ELL: variants seen among roughly 807,000 people sequenced by gnomAD.
ELL encodes elongation factor for RNA polymerase II, also known as RNA polymerase II elongation factor ELL.
A neutral mutation model predicts 64.0 loss-of-function variants in ELL; 18 were observed. The observed-to-expected ratio is 0.28, with a 90% CI of 0.19 to 0.42. The LOEUF is 0.42. Ranked by LOEUF, ELL falls within the 10% of genes least tolerant of loss-of-function variation. The pLI is 1.00. For missense variants in ELL, 797 were observed against 870.4 expected (o/e 0.92, Z 1.06); for synonymous variants, 399 against 376.2 (o/e 1.06, Z -0.70).
chr19:18,485,274 C>T (rs1975385463), intron 1 of ELL, among the ~76,000 whole-genome samples: 1 of 152,206 alleles, frequency 6.6e-6, no homozygotes, highest in Non-Finnish European at 1.5e-5. Context: ...TCTCAACTCC[C>T]CTGCAGACAA....
chr19:18,486,044 A>T (rs1237828970), intron 1 of ELL, among the ~76,000 whole-genome samples: 1 of 151,846 alleles, frequency 6.6e-6, no homozygotes, highest in Non-Finnish European at 1.5e-5. Context: ...ACTCTCCTGG[A>T]TGCATCACGA....
At chr19:18,489,477 T>C (rs1975482572) in intron 1 of ELL, among the ~76,000 whole-genome samples, 1 of 152,158 alleles carries the variant, frequency 6.6e-6, no homozygotes. Context: ...GAGCCCCAGG[T>C]TCTTGGCTGC....
intron 6 of ELL, among the ~76,000 whole-genome samples, chr19:18,456,304 C>G (rs1281239456): frequency 6.6e-6 from 1 of 152,240 alleles, no homozygotes; most frequent in Middle Eastern, 3.2e-3. Flanking sequence ...CAGCCCCTGG[C>G]TCTGTGGACC....
rs369006105 is a variant in ELL, at chr19:18,460,102, C to T, written c.744+1476G>A. 3.2e-4 allele frequency among the ~76,000 whole-genome samples: 49 copies of T among 152,278 alleles called. No homozygotes were observed. In the East Asian group the frequency reaches 5.8e-3, roughly 18 times the overall value. The stretch of plus-strand genomic sequence containing the variant: ...GCTCAGCCAGTCCTAGAGGTGGACA[C>T]CTTCCATCTCTGCTCTAGATTTTTC... On this transcript the variant is annotated intron_variant, in intron 5 of 11. Transcript: ENST00000262809.
intron 1 of ELL, among the ~76,000 whole-genome samples, chr19:18,512,500 GTGA>G (rs1426437532): frequency 6.6e-6 from 1 of 152,038 alleles, no homozygotes; most frequent in African/African-American, 2.4e-5. Context: ...GCAACCAGGC[GTGA>G]TGATGGGTGT....
intron 1 of ELL, among the ~76,000 whole-genome samples, chr19:18,508,248 G>T (rs999685471): frequency 2.0e-5 from 3 of 152,132 alleles, no homozygotes; most frequent in African/African-American, 4.8e-5. Context: ...TTAACAGACT[G>T]CAGTGAGCTA....
chr19:18,488,552 G>A (rs1015097121), intron 1 of ELL, among the ~76,000 whole-genome samples: 5 of 152,170 alleles, frequency 3.3e-5, no homozygotes, highest in African/African-American at 9.7e-5. Context: ...CAGCATCCAC[G>A]GGGCGGGGGC....
chr19:18,495,962 G>A lies in ELL; in HGVS notation c.136-23080C>T, dbSNP rs566276366. Among the ~76,000 whole-genome samples the A allele has an allele frequency of 2.6e-4, 39 of 152,346 alleles. 1 individual carries two copies. The Middle Eastern group carries it at 0.017, about 66-fold the overall frequency. ...ATGGGCCTGAAAGGGGCTAGCCTCC[G>A]TGAGCCCCTACCCTACCTGCTCCAC... On this transcript the variant is annotated intron_variant, in intron 1 of 11. Coordinates refer to ENST00000262809, the MANE Select transcript of ELL (RefSeq NM_006532.4).
At chr19:18,511,914 T>C (rs761004795) in intron 1 of ELL, among the ~76,000 whole-genome samples, 10 of 151,450 alleles carry the variant, frequency 6.6e-5, no homozygotes, top group Non-Finnish European at 1.0e-4. Context: ...CCCAGCACTC[T>C]GGGAGGCCGA....
rs1022053223 is a variant in ELL, at chr19:18,450,775, C to G, written c.1167G>C (p.Glu389Asp). 13 of 1,578,692 alleles carry G rather than the reference C, an allele frequency of 8.2e-6. No individual in the cohort carries two copies. The African/African-American group carries it at 1.5e-4, about 18-fold the overall frequency. ...SSSTHLPPRL[E>D]PPRAHDPLAD... ...CCAGGGGGTCGTGGGCCCTCGGGGGCTCCAGCCGCGGGGGCAGGTGAGTGC... is the reference window on the plus strand; with the variant it reads ...CCAGGGGGTCGTGGGCCCTCGGGGGGTCCAGCCGCGGGGGCAGGTGAGTGC... Residue 389 changes from glutamate (E) to aspartate (D), a missense_variant, in exon 8 of 12, where the codon GAG becomes GAC. Physicochemically the swap from Glu to Asp is conservative, Grantham distance 45. Coordinates refer to ENST00000262809, the MANE Select transcript of ELL (RefSeq NM_006532.4).
intron 1 of ELL, among the ~76,000 whole-genome samples, chr19:18,506,690 C>G (rs1975890739): frequency 1.3e-5 from 2 of 152,292 alleles, no homozygotes; most frequent in South Asian, 4.1e-4. Context: ...CACCACTGCA[C>G]CCCAGCCTGG....
At chr19:18,520,260 C>A (rs1024903872) in intron 1 of ELL, among the ~76,000 whole-genome samples, 5 of 152,232 alleles carry the variant, frequency 3.3e-5, no homozygotes, top group Non-Finnish European at 5.9e-5. Context: ...ATATGACTCA[C>A]GAGCTCTCCC....
chr19:18,448,390 T>C (rs1242361065), intron 8 of ELL: 2 of 152,118 alleles, frequency 1.3e-5, no homozygotes, highest in Non-Finnish European at 2.9e-5. Flanking sequence ...CGAAGCTCAC[T>C]CCCCACAAAG....
rs766612516 is a variant in ELL at position 18,450,684 on chromosome 19, C to T, written c.1258G>A (p.Ala420Thr). The change falls in exon 8 of 12, where the codon GCC becomes ACC. Residue 420 changes from alanine to threonine, a missense_variant. Transcript: ENST00000262809. ...GGCAGGCCGAGGCGCACAGTGGGGG[C>T]TGGGGCAGCCGCCTCTCCGTGCTCA... The part of the protein sequence containing the change: ...DCEHGEAAAP[A>T]PTVRLGLPLL... 1.6e-5 allele frequency: 26 copies of T among 1,584,266 alleles called. 1 individual carries two copies. The Middle Eastern group carries it at 2.3e-3, about 142-fold the overall frequency.
At chr19:18,500,181 G>C (rs535249031) in intron 1 of ELL, among the ~76,000 whole-genome samples, 1 of 151,452 alleles carries the variant, frequency 6.6e-6, no homozygotes, top group East Asian at 1.9e-4. Context: ...AGAATTGCTT[G>C]AACCTGGGAG....
At chr19:18,497,956 C>T (rs1014062908) in intron 1 of ELL, among the ~76,000 whole-genome samples, 10 of 151,628 alleles carry the variant, frequency 6.6e-5, no homozygotes, top group African/African-American at 2.2e-4. Flanking sequence ...TGGAGAAACC[C>T]TGTCTCTACT....
chr19:18,520,289 G>C (rs1186704575), intron 1 of ELL, among the ~76,000 whole-genome samples: 1 of 152,132 alleles, frequency 6.6e-6, no homozygotes, highest in Non-Finnish European at 1.5e-5. Flanking sequence ...TTCTAGGAAA[G>C]CCTGCCTTCC....
In ELL at chr19:18,510,878, T is replaced by C. The variant is rs1976005778; in HGVS notation, c.135+11043A>G. On this transcript the variant is annotated intron_variant, in intron 1 of 11. Transcript: ENST00000262809. ...GTCTCACACCTCTAATCCCAGCACTTTGGGAGGCCGAGGTGGACAGATAAC... is the reference window on the plus strand; with the variant it reads ...GTCTCACACCTCTAATCCCAGCACTCTGGGAGGCCGAGGTGGACAGATAAC... Among the ~76,000 whole-genome samples the C allele has an allele frequency of 2.0e-5, 3 of 152,076 alleles. No individual in the cohort carries two copies. In the South Asian group the frequency reaches 6.2e-4, roughly 31 times the overall value.
chr19:18,497,323 A>G (rs149402491), intron 1 of ELL, among the ~76,000 whole-genome samples: 1 of 152,368 alleles, frequency 6.6e-6, no homozygotes, highest in African/African-American at 2.4e-5. Context: ...GAAAAACAAA[A>G]CTATGGAGAC....
Sources: gnomAD v4.1 joint callset for allele counts (sites outside exome capture counted in the v4.1 genomes callset) on GRCh38, gnomAD v4.1.1 for gene constraint, MANE v1.5 for transcripts, NCBI Gene and HGNC (gene_info 2026-07-23, HGNC 2026-07-21) for gene names.